SESN3: variants seen among roughly 807,000 people sequenced by gnomAD.
The protein encoded by SESN3 is sestrin-3.
SESN3 carries 21 observed loss-of-function variants against 55.3 expected under a neutral mutation model. The observed-to-expected ratio is 0.38, with a 90% confidence interval of 0.27 to 0.55. SESN3 has a LOEUF of 0.55. Ranked by LOEUF, SESN3 falls within the 20% of genes least tolerant of loss-of-function variation. The pLI, the probability that SESN3 is intolerant of heterozygous loss-of-function variation, is 0.76. For missense variants in SESN3, 408 were observed against 604.3 expected, an observed-to-expected ratio of 0.68 and a Z score of 3.41; for synonymous variants, 181 against 203.1, an observed-to-expected ratio of 0.89 and a Z score of 0.93.
chr11:95,168,987 C>T lies in SESN3; in HGVS notation c.*4268G>A, dbSNP rs1302710541. On this transcript the variant is annotated 3_prime_UTR_variant, in exon 10 of 10. Coordinates refer to ENST00000536441, the MANE Select transcript of SESN3 (RefSeq NM_144665.4). The stretch of plus-strand genomic sequence containing the variant: ...GTGTACGGTGCTGAAGGCAGCCACA[C>T]TCTCAGCACTATGTTCCTCATATTC... The T allele has an allele frequency of 6.6e-6, 1 of 152,250 alleles. No homozygotes were observed. The highest frequency in any genetic ancestry group is 2.4e-5 in the African/African-American group (1 of 41,458). The allele number at this position is 152,250 out of a possible 1,614,324, so 9.4% of individuals were successfully genotyped here.
chr11:95,210,770 C>T (rs925141694), intron 1 of SESN3, among the ~76,000 whole-genome samples: 7 of 152,010 alleles, frequency 4.6e-5, no homozygotes, highest in Admixed American at 3.9e-4. Flanking sequence ...CTTTAATAAA[C>T]AGTTTGTATT....
rs182584487 is a variant in SESN3 at position 95,186,910 on chromosome 11, G to A, written c.526-1418C>T. 4.0e-5 allele frequency among the ~76,000 whole-genome samples: 6 copies of A among 151,508 alleles called. No homozygotes were observed. In the East Asian group the frequency reaches 1.2e-3, roughly 29 times the overall value. On this transcript the variant is annotated intron_variant, in intron 4 of 9. Coordinates refer to ENST00000536441, the MANE Select transcript of SESN3 (RefSeq NM_144665.4). Reference sequence around the variant, plus strand: ...CTTGTAGCCACAAAATATACTAAATGGTTGCAATATTGACTGAAAAAAATT... The same window carrying A: ...CTTGTAGCCACAAAATATACTAAATAGTTGCAATATTGACTGAAAAAAATT...
rs1051055668 is a variant in SESN3, at chr11:95,209,935, T to G, written c.79-16413A>C. Among the ~76,000 whole-genome samples the G allele has an allele frequency of 7.7e-5, 11 of 142,316 alleles. 2 individuals are homozygous for G. Among genetic ancestry groups the G allele is most frequent in the Non-Finnish European group, 1.4e-4 (9 of 64,320 alleles). The allele number at this position is 142,316 out of a possible 152,430, so 93.4% of individuals were successfully genotyped here. ...TGGAGGCTGAGGCAGAAGAATCGCT[T>G]GATTCCAGGAGGCGAAGGTTGCAGT... On this transcript the variant is annotated intron_variant, in intron 1 of 9. Transcript: ENST00000536441.
At chr11:95,192,781 C>T (rs1283307762) in intron 2 of SESN3, among the ~76,000 whole-genome samples, 1 of 151,962 alleles carries the variant, frequency 6.6e-6, no homozygotes, top group Admixed American at 6.6e-5. Flanking sequence ...TGCTCACTTC[C>T]CCACCATTTT....
intron 1 of SESN3, among the ~76,000 whole-genome samples, chr11:95,203,060 A>G (rs1226056882): frequency 6.6e-6 from 1 of 152,148 alleles, no homozygotes; most frequent in Non-Finnish European, 1.5e-5. Flanking sequence ...AAACAAAAAT[A>G]TGCTGTGAAT....
At chr11:95,216,407 G>T (rs576672841) in intron 1 of SESN3, among the ~76,000 whole-genome samples, 32 of 152,250 alleles carry the variant, frequency 2.1e-4, no homozygotes, top group African/African-American at 7.5e-4. Context: ...CACTTTTTAT[G>T]AATGATAACA....
intron 1 of SESN3, among the ~76,000 whole-genome samples, chr11:95,210,017 C>CA (rs71036380): frequency 0.03 from 1,812 of 59,576 alleles, 30 homozygotes; most frequent in African/African-American, 0.047. Context: ...AACTCCATCT[C>CA]AAAAAAAAAA....
chr11:95,170,589 A>G lies in SESN3; in HGVS notation c.*2666T>C, dbSNP rs560964086. ...TATACTATAAATTACTAAATAGTAA[A>G]TTCAATACTCTGAAAAAATACCACC... On this transcript the variant is annotated 3_prime_UTR_variant, in exon 10 of 10. Transcript: ENST00000536441. 6.6e-6 allele frequency: 1 copy of G among 152,210 alleles called. No individual in the cohort carries two copies. The highest frequency in any genetic ancestry group is 1.5e-5 in the Non-Finnish European group (1 of 68,032). The allele number at this position is 152,210 out of a possible 1,614,324, so 9.4% of individuals were successfully genotyped here.
intron 6 of SESN3, among the ~76,000 whole-genome samples, chr11:95,179,544 G>C (rs897736707): frequency 1.3e-5 from 2 of 151,938 alleles, no homozygotes; most frequent in African/African-American, 4.8e-5. Flanking sequence ...AAAATTACAT[G>C]GTGTTTCATC....
At chr11:95,203,331 T>C (rs1591065102) in intron 1 of SESN3, among the ~76,000 whole-genome samples, 1 of 152,176 alleles carries the variant, frequency 6.6e-6, no homozygotes, top group African/African-American at 2.4e-5. Flanking sequence ...CATTTAGCCA[T>C]ATGGAAACCA....
chr11:95,173,607 T>C (rs1859896461), intron 9 of SESN3, among the ~76,000 whole-genome samples: 1 of 152,122 alleles, frequency 6.6e-6, no homozygotes, highest in Admixed American at 6.5e-5. Flanking sequence ...GGTTATAAAA[T>C]AAAACTAATT....
chr11:95,183,685 A>C lies in SESN3; in HGVS notation c.937+735T>G, dbSNP rs1028382397. 9.9e-5 allele frequency among the ~76,000 whole-genome samples: 15 copies of C among 150,992 alleles called. No individual in the cohort carries two copies. In the South Asian group the frequency reaches 2.5e-3, roughly 25 times the overall value. On this transcript the variant is annotated intron_variant, in intron 6 of 9. Coordinates refer to ENST00000536441, the MANE Select transcript of SESN3 (RefSeq NM_144665.4). ...TGACAGAGCAAGACTCTGTCTCAAAAAAAAAAAAAAAAAAAAGTTATGCAC... is the reference window on the plus strand; with the variant it reads ...TGACAGAGCAAGACTCTGTCTCAAACAAAAAAAAAAAAAAAAGTTATGCAC...
intron 6 of SESN3, among the ~76,000 whole-genome samples, chr11:95,182,707 AT>A (rs1452632656): frequency 1.4e-4 from 21 of 152,268 alleles, no homozygotes; most frequent in African/African-American, 5.1e-4. Context: ...TAGGTTACAT[AT>A]TTCTTAAGGT....
chr11:95,197,441 TTTTC>T (rs1860381349), intron 1 of SESN3, among the ~76,000 whole-genome samples: 1 of 142,240 alleles, frequency 7.0e-6, no homozygotes, highest in Non-Finnish European at 1.5e-5. Flanking sequence ...CTTCCTTTTC[TTTTC>T]TTTTTTTTTT....
At chr11:95,174,787 A>C (rs925472526) in intron 9 of SESN3, among the ~76,000 whole-genome samples, 7 of 151,944 alleles carry the variant, frequency 4.6e-5, no homozygotes, top group Non-Finnish European at 8.8e-5. Flanking sequence ...GCACCCAGCC[A>C]CTATCTGGGT....
intron 1 of SESN3, among the ~76,000 whole-genome samples, chr11:95,223,180 C>T (rs998477994): frequency 1.3e-4 from 19 of 151,532 alleles, no homozygotes; most frequent in African/African-American, 4.4e-4. Flanking sequence ...CGCAAACCCA[C>T]CACACACACA....
Position 95,193,453 on chromosome 11 carries a change from T to G in SESN3, c.144+4A>C, listed in dbSNP as rs750346058. ...TTTTTATATTTTAAGACAGATAAAC[T>G]TACTTCCTTCTCTGGAATAAAGGCA... On this transcript the variant is annotated splice_donor_region_variant and intron_variant, in intron 2 of 9. Transcript: ENST00000536441. The G allele has an allele frequency of 2.6e-6, 4 of 1,511,392 alleles. No individual in the cohort carries two copies. The African/African-American group carries it at 5.5e-5, about 21-fold the overall frequency. The allele number at this position is 1,511,392 out of a possible 1,614,324, so 93.6% of individuals were successfully genotyped here. A position where few individuals can be genotyped will look rare whatever the true frequency, so the allele number is the denominator to read the frequency against.
chr11:95,176,596 T>C (rs559271217), intron 8 of SESN3, among the ~76,000 whole-genome samples: 1 of 152,288 alleles, frequency 6.6e-6, no homozygotes, highest in South Asian at 2.1e-4. Context: ...AAATGTAGTA[T>C]TGGGAACTTG....
At chr11:95,175,463 G>A (rs1859938188) in intron 9 of SESN3, 35 bp downstream of exon 9, 1 of 1,570,100 alleles carries the variant, frequency 6.4e-7, no homozygotes, top group South Asian at 1.1e-5. Flanking sequence ...CTGAAGAACT[G>A]TCTATGGTAT....
Sources: gnomAD v4.1 joint callset for allele counts (sites outside exome capture counted in the v4.1 genomes callset) on GRCh38, gnomAD v4.1.1 for gene constraint, MANE v1.5 for transcripts, NCBI Gene and HGNC (gene_info 2026-07-23, HGNC 2026-07-21) for gene names.